ATRNL1: variants seen among roughly 807,000 people sequenced by gnomAD.
The protein encoded by ATRNL1 is attractin-like protein 1.
ATRNL1 carries 95 observed loss-of-function variants against 182.7 expected under a neutral mutation model. That is an observed-to-expected ratio of 0.52 (90% CI 0.44 to 0.62). ATRNL1 has a LOEUF of 0.62. Ranked by LOEUF, ATRNL1 falls within the 20% of genes least tolerant of loss-of-function variation. The pLI, the probability that ATRNL1 is intolerant of heterozygous loss-of-function variation, is 0.00. For synonymous variants in ATRNL1, 576 were observed against 568.3 expected, an observed-to-expected ratio of 1.01 and a Z score of -0.19; for missense variants, 1,471 against 1,679.5, an observed-to-expected ratio of 0.88 and a Z score of 2.17.
chr10:115,737,000 G>T (rs1268550879), intron 27 of ATRNL1, among the ~76,000 whole-genome samples: 1 of 151,828 alleles, frequency 6.6e-6, no homozygotes, highest in Non-Finnish European at 1.5e-5. Context: ...TACCCTCAGG[G>T]CCACTCTGCT....
intron 26 of ATRNL1, among the ~76,000 whole-genome samples, chr10:115,580,344 T>A (rs1854993058): frequency 6.6e-6 from 1 of 152,116 alleles, no homozygotes; most frequent in Admixed American, 6.6e-5. Flanking sequence ...TTATCTTCCC[T>A]TTGTTTTTGA....
Position 115,561,702 on chromosome 10 carries a change from T to TGTGTGG in ATRNL1, c.3795+12167_3795+12168insTGTGGG, listed in dbSNP as rs1306409532. ...GTGTGTGTGTGTGGGTGTGTGTGTG[T>TGTGTGG]GGGTGTGTGTGTGTGTGTGTGTTTG... On this transcript the variant is annotated intron_variant, in intron 26 of 28. Transcript: ENST00000355044. 1.2e-3 allele frequency among the ~76,000 whole-genome samples: 115 copies of TGTGTGG among 95,704 alleles called. 1 individual carries two copies. The highest frequency in any genetic ancestry group is 1.8e-3 in the Admixed American group (16 of 8,734). 62.8% of individuals were successfully genotyped at this position (95,704 alleles called of 152,430 possible). A position where few individuals can be genotyped will look rare whatever the true frequency, so the allele number is the denominator to read the frequency against.
chr10:115,608,958 T>G (rs1857009284), intron 26 of ATRNL1, among the ~76,000 whole-genome samples: 1 of 152,022 alleles, frequency 6.6e-6, no homozygotes, highest in Non-Finnish European at 1.5e-5. Flanking sequence ...ATTTTTAAAT[T>G]TCCAGTTGTT....
At chr10:115,747,245 A>G (rs1477255041) in intron 27 of ATRNL1, among the ~76,000 whole-genome samples, 8 of 151,996 alleles carry the variant, frequency 5.3e-5, no homozygotes, top group African/African-American at 1.9e-4. Flanking sequence ...CATTCTCCCA[A>G]CCTGTGCTAG....
rs145748669 is a variant in ATRNL1, at chr10:115,879,455, A to G, written c.4018+31464A>G. Among the ~76,000 whole-genome samples the G allele has an allele frequency of 8.1e-3, 1,241 of 152,302 alleles. 16 individuals carry two copies. The highest frequency in any genetic ancestry group is 0.028 in the African/African-American group (1,155 of 41,556). Reference sequence around the variant, plus strand: ...AAGTCAATGCTCAAAGCATGATGCTATGTAGCCATAGGAGAGCCCTATATG... The same window carrying G: ...AAGTCAATGCTCAAAGCATGATGCTGTGTAGCCATAGGAGAGCCCTATATG... On this transcript the variant is annotated intron_variant, in intron 28 of 28. Transcript: ENST00000355044.
At chr10:115,590,587 A>G (rs1444306282) in intron 26 of ATRNL1, among the ~76,000 whole-genome samples, 2 of 152,164 alleles carry the variant, frequency 1.3e-5, no homozygotes, top group East Asian at 1.9e-4. Flanking sequence ...CTATTTTATC[A>G]TACATACTTC....
chr10:115,865,130 C>T (rs887771291), intron 28 of ATRNL1, among the ~76,000 whole-genome samples: 14 of 152,044 alleles, frequency 9.2e-5, no homozygotes, highest in Admixed American at 3.9e-4. Flanking sequence ...AACATATACA[C>T]GCAATAAAAT....
At chr10:115,590,122 C>T (rs1208390520) in intron 26 of ATRNL1, among the ~76,000 whole-genome samples, 1 of 152,148 alleles carries the variant, frequency 6.6e-6, no homozygotes, top group Non-Finnish European at 1.5e-5. Context: ...AATTGTAGAG[C>T]CTGATCGTTA....
chr10:115,221,021 C>T (rs1402959067), intron 9 of ATRNL1, among the ~76,000 whole-genome samples: 2 of 152,164 alleles, frequency 1.3e-5, no homozygotes, highest in Non-Finnish European at 2.9e-5. Flanking sequence ...ACCTCAGCTC[C>T]ACCTCAGATC....
chr10:115,325,295 C>T (rs1485523929), intron 18 of ATRNL1, among the ~76,000 whole-genome samples: 5 of 152,138 alleles, frequency 3.3e-5, no homozygotes, highest in Admixed American at 2.6e-4. Flanking sequence ...TTTCAAGCAA[C>T]AATGTAAACC....
intron 8 of ATRNL1, among the ~76,000 whole-genome samples, chr10:115,197,996 T>A (rs1848425767): frequency 6.6e-6 from 1 of 152,190 alleles, no homozygotes; most frequent in Non-Finnish European, 1.5e-5. Flanking sequence ...TGCAGATATC[T>A]TTTTGACATG....
chr10:115,243,256 A>AT, intron 10 of ATRNL1, among the ~76,000 whole-genome samples: 1 of 151,974 alleles, frequency 6.6e-6, no homozygotes, highest in East Asian at 1.9e-4. Flanking sequence ...ATGGGAATGT[A>AT]TTTTTATTTT....
At chr10:115,687,455 T>A (rs1946254545) in intron 26 of ATRNL1, among the ~76,000 whole-genome samples, 1 of 152,128 alleles carries the variant, frequency 6.6e-6, no homozygotes, top group Admixed American at 6.6e-5. Context: ...TGCCCTCTTT[T>A]TTGAGGCTAA....
At chr10:115,303,462 C>T (rs1853584420) in intron 17 of ATRNL1, among the ~76,000 whole-genome samples, 1 of 152,072 alleles carries the variant, frequency 6.6e-6, no homozygotes, top group Non-Finnish European at 1.5e-5. Context: ...ACCTCATGAT[C>T]CACCCAGCTC....
intron 27 of ATRNL1, among the ~76,000 whole-genome samples, chr10:115,730,607 C>T (rs1045556718): frequency 1.3e-5 from 2 of 151,984 alleles, no homozygotes; most frequent in Non-Finnish European, 2.9e-5. Context: ...AAAAGATACA[C>T]GTAAATTTAC....
intron 26 of ATRNL1, among the ~76,000 whole-genome samples, chr10:115,673,268 C>T (rs566038875): frequency 1.3e-5 from 2 of 152,164 alleles, no homozygotes; most frequent in South Asian, 4.1e-4. Flanking sequence ...AAGAAATCTG[C>T]AAAAGACATT....
Position 115,449,374 on chromosome 10 carries a change from T to C in ATRNL1, c.3323-12567T>C, listed in dbSNP as rs117148503. Reference sequence around the variant, plus strand: ...GGAAAGACCACCTTCTCACCTCATATTCTTTCCACCTCCCCTTCCCACTGC... The same window carrying C: ...GGAAAGACCACCTTCTCACCTCATACTCTTTCCACCTCCCCTTCCCACTGC... On this transcript the variant is annotated intron_variant, in intron 21 of 28. Coordinates refer to ENST00000355044, the MANE Select transcript of ATRNL1 (RefSeq NM_207303.4). 3.9e-5 allele frequency among the ~76,000 whole-genome samples: 6 copies of C among 152,254 alleles called. No homozygotes were observed. In the East Asian group the frequency reaches 1.2e-3, roughly 29 times the overall value.
chr10:115,905,799 A>G (rs1288980017), intron 28 of ATRNL1, among the ~76,000 whole-genome samples: 1 of 152,204 alleles, frequency 6.6e-6, no homozygotes, highest in African/African-American at 2.4e-5. Context: ...CATGAGCACC[A>G]TGGAATCCCT....
intron 24 of ATRNL1, among the ~76,000 whole-genome samples, chr10:115,488,233 C>G (rs888056170): frequency 6.6e-6 from 1 of 152,134 alleles, no homozygotes; most frequent in Admixed American, 6.6e-5. Flanking sequence ...ATGCTGGCCT[C>G]TTAAAATGAG....
Sources: gnomAD v4.1 joint callset for allele counts (sites outside exome capture counted in the v4.1 genomes callset) on GRCh38, gnomAD v4.1.1 for gene constraint, MANE v1.5 for transcripts, NCBI Gene and HGNC (gene_info 2026-07-23, HGNC 2026-07-21) for gene names.